Variants in ERG observed in about 807,000 individuals in gnomAD.
The protein encoded by ERG is ETS transcription factor ERG.
ERG carries 9 observed loss-of-function variants against 55.3 expected under a neutral mutation model. The observed-to-expected ratio is 0.16, with a 90% confidence interval of 0.10 to 0.28. The LOEUF (loss-of-function observed/expected upper bound fraction) is 0.28. ERG is among the 10% of genes least tolerant of loss of function. The pLI, the probability that ERG is intolerant of heterozygous loss-of-function variation, is 1.00. For missense variants in ERG, 434 were observed against 631.6 expected (o/e 0.69, Z 3.35); for synonymous variants, 223 against 237.3 (o/e 0.94, Z 0.55).
At chr21:38,403,012 T>C (rs1988580689) in intron 4 of ERG, among the ~76,000 whole-genome samples, 1 of 152,200 alleles carries the variant, frequency 6.6e-6, no homozygotes, top group African/African-American at 2.4e-5. Flanking sequence ...ATGCCATCCC[T>C]TTCTGTCAGG....
At chr21:38,503,875 G>A (rs904032120) in intron 2 of ERG, among the ~76,000 whole-genome samples, 48 of 152,170 alleles carry the variant, frequency 3.2e-4, no homozygotes, top group African/African-American at 1.1e-3. Flanking sequence ...GAGAACATAC[G>A]CGGCATGAAG....
rs28735549 is a variant in ERG, at chr21:38,603,200, C to T, written c.-149-18255G>A. On this transcript the variant is annotated intron_variant, in intron 1 of 10. Transcript: ENST00000398910. ...GACACCTCTGCCACATGAAGAGACC[C>T]GAAACGCAGCTTACATCCAGAGCAA... Among the ~76,000 whole-genome samples the T allele has an allele frequency of 1.1e-3, 172 of 152,046 alleles. 2 individuals are homozygous for T. Among genetic ancestry groups the T allele is most frequent in the African/African-American group, 4.0e-3 (166 of 41,384 alleles).
intron 1 of ERG, among the ~76,000 whole-genome samples, chr21:38,482,036 G>A (rs920674473): frequency 5.3e-5 from 8 of 152,202 alleles, no homozygotes; most frequent in Non-Finnish European, 8.8e-5. Flanking sequence ...CAAGGCAAGT[G>A]TCATGTAGCA....
intron 1 of ERG, among the ~76,000 whole-genome samples, chr21:38,601,972 C>T (rs2060166999): frequency 6.6e-6 from 1 of 152,102 alleles, no homozygotes; most frequent in Non-Finnish European, 1.5e-5. Flanking sequence ...ACCTCCACCT[C>T]CCAGATTCAA....
chr21:38,451,373 A>T (rs1194918784), intron 1 of ERG, among the ~76,000 whole-genome samples: 2 of 152,188 alleles, frequency 1.3e-5, no homozygotes, highest in African/African-American at 2.4e-5. Flanking sequence ...CTTTTCTTTG[A>T]TTAATCAGAT....
chr21:38,473,718 A>G (rs979422846), intron 1 of ERG, among the ~76,000 whole-genome samples: 2 of 152,114 alleles, frequency 1.3e-5, no homozygotes, highest in African/African-American at 4.8e-5. Flanking sequence ...AATGTATGGT[A>G]CAGATATTAA....
intron 2 of ERG, among the ~76,000 whole-genome samples, chr21:38,556,628 G>T (rs372360339): frequency 6.6e-6 from 1 of 152,084 alleles, no homozygotes; most frequent in South Asian, 2.1e-4. Flanking sequence ...GTCAATGAAA[G>T]GTAGATGGAA....
At chr21:38,566,641 C>T (rs1283341057) in intron 2 of ERG, among the ~76,000 whole-genome samples, 2 of 152,156 alleles carry the variant, frequency 1.3e-5, no homozygotes, top group African/African-American at 4.8e-5. Context: ...CTCTCTAAAC[C>T]CTTAGAGGTG....
At chr21:38,439,048 C>A (rs890136868) in intron 2 of ERG, among the ~76,000 whole-genome samples, 5 of 152,200 alleles carry the variant, frequency 3.3e-5, no homozygotes, top group Admixed American at 6.5e-5. Context: ...TCAAACATGG[C>A]AATGGCTCCA....
At chr21:38,573,330 A>C (rs944126265) in intron 2 of ERG, among the ~76,000 whole-genome samples, 19 of 152,376 alleles carry the variant, frequency 1.2e-4, no homozygotes, top group African/African-American at 2.9e-4. Context: ...GTGGATTAGT[A>C]AAAGAGGAAA....
chr21:38,457,637 T>C (rs1269884292), intron 1 of ERG, among the ~76,000 whole-genome samples: 2 of 152,304 alleles, frequency 1.3e-5, no homozygotes, highest in East Asian at 3.9e-4. Context: ...AGGTCATGGA[T>C]GTTCACATCT....
chr21:38,381,655 GTT>G lies in ERG; in HGVS notation c.*1746_*1747del. ...CCTTACGAGTGGTAGCTTGTTCACTGTTCAACAAATGTATTTTAATCATAGCA... is the reference window on the plus strand; with the variant it reads ...CCTTACGAGTGGTAGCTTGTTCACTGCAACAAATGTATTTTAATCATAGCA... On this transcript the variant is annotated 3_prime_UTR_variant, in exon 10 of 10. Coordinates refer to ENST00000288319, the MANE Select transcript of ERG (RefSeq NM_182918.4). 1.9e-6 allele frequency: 2 copies of G among 1,063,452 alleles called. No homozygotes were observed. Among genetic ancestry groups the G allele is most frequent in the Non-Finnish European group, 1.1e-6 (1 of 878,178 alleles). 65.9% of individuals were successfully genotyped at this position (1,063,452 alleles called of 1,614,324 possible). A position where few individuals can be genotyped will look rare whatever the true frequency, so the allele number is the denominator to read the frequency against.
At chr21:38,629,011 G>A (rs1340424753) in intron 1 of ERG, among the ~76,000 whole-genome samples, 1 of 152,186 alleles carries the variant, frequency 6.6e-6, no homozygotes, top group Admixed American at 6.5e-5. Flanking sequence ...TTAAAGCCAA[G>A]AGATGACCTG....
At position 38,534,250 on chromosome 21, in the gene ERG, C is replaced by T. The variant is rs1343030005; in HGVS notation, c.-41+41412G>A. Reference sequence around the variant, plus strand: ...CTCTGCATGAACCAGTAAGTCATTACTGACAAGAAAAAAACAATTTGTGAT... The same window carrying T: ...CTCTGCATGAACCAGTAAGTCATTATTGACAAGAAAAAAACAATTTGTGAT... On this transcript the variant is annotated intron_variant, in intron 2 of 8. Coordinates refer to the ERG transcript ENST00000398897. 2.0e-5 allele frequency among the ~76,000 whole-genome samples: 3 copies of T among 152,162 alleles called. No individual in the cohort carries two copies. In the East Asian group the frequency reaches 5.8e-4, roughly 29 times the overall value.
intron 1 of ERG, among the ~76,000 whole-genome samples, chr21:38,491,230 A>G (rs992970258): frequency 4.0e-5 from 6 of 151,534 alleles, no homozygotes; most frequent in Non-Finnish European, 7.4e-5. Flanking sequence ...AAAAGACCCA[A>G]TAAAACCCGA....
intron 2 of ERG, among the ~76,000 whole-genome samples, chr21:38,434,000 C>T (rs1284262775): frequency 1.3e-5 from 2 of 152,092 alleles, no homozygotes; most frequent in Non-Finnish European, 2.9e-5. Flanking sequence ...CGAACTCTTC[C>T]AAAGCTTTCT....
In ERG at chr21:38,383,283, C is replaced by T; in HGVS notation, c.*120G>A. 7.5e-7 allele frequency: 1 copy of T among 1,336,264 alleles called. No individual in the cohort carries two copies. Among genetic ancestry groups the T allele is most frequent in the Non-Finnish European group, 9.6e-7 (1 of 1,040,878 alleles). The allele number at this position is 1,336,264 out of a possible 1,614,324, so 82.8% of individuals were successfully genotyped here. On this transcript the variant is annotated 3_prime_UTR_variant, in exon 10 of 10. Transcript: ENST00000288319. The surrounding 1 kb of genome is among the most constrained non-coding windows in gnomAD (Gnocchi z 5.7). ...TTGGATCTCTTCCCCGGCTTCCTTC[C>T]CCAGCCCCAGTAAAGCTTTTTTCAT...
rs188470072 is a variant in ERG at position 38,592,979 on chromosome 21, A to C, written c.-149-8034T>G. 1.6e-3 allele frequency among the ~76,000 whole-genome samples: 242 copies of C among 152,360 alleles called. 1 individual carries two copies. The highest frequency in any genetic ancestry group is 4.5e-3 in the African/African-American group (188 of 41,588). The stretch of plus-strand genomic sequence containing the variant: ...TTTTTATGTGTGTGTCAGGAGATAG[A>C]AAAATAAACACAGGTATTAATGTGC... On this transcript the variant is annotated intron_variant, in intron 1 of 10. Coordinates refer to the ERG transcript ENST00000398910.
At chr21:38,503,663 T>C (rs1159096599) in intron 2 of ERG, among the ~76,000 whole-genome samples, 1 of 152,226 alleles carries the variant, frequency 6.6e-6, no homozygotes, top group Non-Finnish European at 1.5e-5. Context: ...TGCTGTATAT[T>C]GTCCTTAAGA....
Sources: allele counts gnomAD v4.1 joint callset (sites outside exome capture counted in the v4.1 genomes callset), GRCh38; gene constraint gnomAD v4.1.1; non-coding constraint Gnocchi (gnomAD v3.1); transcripts MANE v1.5; gene names NCBI Gene and HGNC (gene_info 2026-07-23, HGNC 2026-07-21).